Variants in INPP5A observed in about 807,000 individuals in gnomAD.
INPP5A encodes inositol polyphosphate-5-phosphatase A.
Under a neutral mutation model 65.2 loss-of-function variants are expected in INPP5A, and 14 were observed. The ratio of observed to expected loss-of-function variants is 0.21; its 90% confidence interval spans 0.14 to 0.34. The LOEUF is 0.34. Among genes scored for constraint, INPP5A ranks in the 10% least tolerant of loss-of-function variants. The pLI, the probability that INPP5A is intolerant of heterozygous loss-of-function variation, is 1.00. For synonymous variants in INPP5A, 207 were observed against 208.3 expected, an observed-to-expected ratio of 0.99 and a Z score of 0.05; for missense variants, 431 against 545.6, an observed-to-expected ratio of 0.79 and a Z score of 2.09.
Position 132,538,006 on chromosome 10 carries a change from C to T in INPP5A, c.-91C>T. On this transcript the variant is annotated 5_prime_UTR_variant, in exon 1 of 16. Coordinates refer to ENST00000368594, the MANE Select transcript of INPP5A (RefSeq NM_005539.5). This position sits in a 1 kb window ranked among gnomAD's most constrained non-coding sequence, Gnocchi z 4.1. ...CCGCCCCCCGGCGCAGCTGACGCCC[C>T]GCGGCCCCGCGAAGACCCCGGCCGG... 1.8e-6 allele frequency: 1 copy of T among 546,178 alleles called. No individual in the cohort carries two copies. 33.8% of individuals were successfully genotyped at this position (546,178 alleles called of 1,614,324 possible). A position where few individuals can be genotyped will look rare whatever the true frequency, so the allele number is the denominator to read the frequency against.
At chr10:132,632,781 C>T (rs2072292370) in intron 2 of INPP5A, among the ~76,000 whole-genome samples, 1 of 152,238 alleles carries the variant, frequency 6.6e-6, no homozygotes, top group South Asian at 2.1e-4. Context: ...AATTATTGTA[C>T]TGTTACGTAT....
chr10:132,604,375 C>G (rs2071817243), intron 1 of INPP5A, among the ~76,000 whole-genome samples: 1 of 152,140 alleles, frequency 6.6e-6, no homozygotes, highest in Non-Finnish European at 1.5e-5. Flanking sequence ...GTCAGGGTCC[C>G]CTCTCTGACG....
rs1845364031 is a variant in INPP5A at position 132,697,530 on chromosome 10, G to A, written c.371-286G>A. ...CTTAAATATATTCACGGGTTTAAAA[G>A]AGGATGCCAATTAGCTCCTGTAAAT... On this transcript the variant is annotated intron_variant, in intron 5 of 15. Coordinates refer to ENST00000368594, the MANE Select transcript of INPP5A (RefSeq NM_005539.5). This position sits in a 1 kb window ranked among gnomAD's most constrained non-coding sequence, Gnocchi z 5.6. Among the ~76,000 whole-genome samples, 1 of 152,234 alleles carries A rather than the reference G, an allele frequency of 6.6e-6. No homozygotes were observed. Among genetic ancestry groups the A allele is most frequent in the Admixed American group, 6.5e-5 (1 of 15,288 alleles).
intron 1 of INPP5A, among the ~76,000 whole-genome samples, chr10:132,578,740 C>T (rs778552760): frequency 1.4e-5 from 2 of 143,326 alleles, no homozygotes; most frequent in Non-Finnish European, 3.0e-5. Flanking sequence ...GTCCAGGCTC[C>T]AGGACACCAG....
rs1440074464 is a variant in INPP5A at position 132,727,293 on chromosome 10, A to C, written c.732+388A>C. 5.8e-6 allele frequency: 1 copy of C among 171,750 alleles called. No homozygotes were observed. Among genetic ancestry groups the C allele is most frequent in the Non-Finnish European group, 1.2e-5 (1 of 81,062 alleles). The allele number at this position is 171,750 out of a possible 1,614,324, so 10.6% of individuals were successfully genotyped here. A position where few individuals can be genotyped will look rare whatever the true frequency, so the allele number is the denominator to read the frequency against. On this transcript the variant is annotated intron_variant, in intron 9 of 15. Coordinates refer to ENST00000368594, the MANE Select transcript of INPP5A (RefSeq NM_005539.5). The surrounding 1 kb of genome is among the most constrained non-coding windows in gnomAD (Gnocchi z 6.5). The stretch of plus-strand genomic sequence containing the variant: ...AACTTGATCTCAGCGATTTTTTGTC[A>C]TAACACGTAGAAACTGTCAGAGCCC...
At chr10:132,615,683 C>T (rs1202045154) in intron 2 of INPP5A, among the ~76,000 whole-genome samples, 2 of 152,174 alleles carry the variant, frequency 1.3e-5, no homozygotes, top group East Asian at 1.9e-4. Context: ...AGGAACTGGC[C>T]CTGCTGGAGA....
At chr10:132,720,722 T>A (rs1389822034) in intron 8 of INPP5A, among the ~76,000 whole-genome samples, 2 of 149,020 alleles carry the variant, frequency 1.3e-5, no homozygotes, top group Non-Finnish European at 3.0e-5. Flanking sequence ...CAGGGTTCTG[T>A]GGTGCCTGAG....
At chr10:132,778,995 C>T (rs566429743) in intron 13 of INPP5A, among the ~76,000 whole-genome samples, 20 of 152,238 alleles carry the variant, frequency 1.3e-4, no homozygotes, top group Non-Finnish European at 2.8e-4. Flanking sequence ...TCCTGGAGCA[C>T]CCTGGGTGCA....
intron 11 of INPP5A, among the ~76,000 whole-genome samples, chr10:132,752,043 G>T (rs543859388): frequency 2.2e-3 from 328 of 147,326 alleles, no homozygotes; most frequent in African/African-American, 7.8e-3. Flanking sequence ...AAGCGTCTGC[G>T]TGAAGGGGGG....
intron 2 of INPP5A, among the ~76,000 whole-genome samples, chr10:132,610,808 A>G (rs1420144184): frequency 6.6e-6 from 1 of 152,216 alleles, no homozygotes; most frequent in African/African-American, 2.4e-5. Flanking sequence ...TCACTAACTG[A>G]AGAAGCTCTT....
chr10:132,602,471 T>C (rs764137517), intron 1 of INPP5A, among the ~76,000 whole-genome samples: 3 of 152,072 alleles, frequency 2.0e-5, no homozygotes, highest in Non-Finnish European at 4.4e-5. Flanking sequence ...TTTTTTGTAT[T>C]TTTAGTAGAG....
intron 11 of INPP5A, among the ~76,000 whole-genome samples, chr10:132,764,956 ACGGT>A (rs1221109097): frequency 1.5e-5 from 2 of 132,590 alleles, no homozygotes; most frequent in Admixed American, 7.7e-5. Context: ...ACTCAGGAAC[ACGGT>A]CGGGTCAGTC....
chr10:132,681,086 G>A (rs1258937367), intron 4 of INPP5A, among the ~76,000 whole-genome samples: 4 of 152,236 alleles, frequency 2.6e-5, no homozygotes, highest in African/African-American at 7.2e-5. Context: ...GCCCCAGTGC[G>A]GGATCCACCG....
chr10:132,664,352 T>C (rs1218832855), intron 4 of INPP5A, among the ~76,000 whole-genome samples: 1 of 152,242 alleles, frequency 6.6e-6, no homozygotes, highest in African/African-American at 2.4e-5. Flanking sequence ...TGGCTTCAGA[T>C]GCTGTGAGCC....
At chr10:132,602,883 C>CT (rs1251362869) in intron 1 of INPP5A, among the ~76,000 whole-genome samples, 2 of 152,156 alleles carry the variant, frequency 1.3e-5, no homozygotes, top group Non-Finnish European at 2.9e-5. Context: ...GAGGTCCTTT[C>CT]TTTCCTTTTG....
chr10:132,739,660 C>G (rs985333367), intron 9 of INPP5A, among the ~76,000 whole-genome samples: 5 of 152,252 alleles, frequency 3.3e-5, no homozygotes, highest in African/African-American at 1.2e-4. Context: ...GTGAGTCGCA[C>G]TCTCGCTTCC....
chr10:132,721,846 G>T (rs772499082), intron 8 of INPP5A, among the ~76,000 whole-genome samples: 7 of 152,148 alleles, frequency 4.6e-5, no homozygotes, highest in Non-Finnish European at 1.0e-4. Flanking sequence ...TGTCTTGCCT[G>T]CGTCTGTGGT....
chr10:132,672,098 T>TTTG lies in INPP5A; in HGVS notation c.307-18291_307-18289dup, dbSNP rs376628846. On this transcript the variant is annotated intron_variant, in intron 4 of 15. Coordinates refer to ENST00000368594, the MANE Select transcript of INPP5A (RefSeq NM_005539.5). ...CAAGGATGTAGGGAGAGAACTACGT[T>TTTG]TTGTTAAGTGGCTCTTATTGAGCAT... Among the ~76,000 whole-genome samples, 292 of 152,346 alleles carry TTTG rather than the reference T, an allele frequency of 1.9e-3. 3 individuals carry two copies. The highest frequency in any genetic ancestry group is 5.8e-3 in the African/African-American group (241 of 41,576).
intron 12 of INPP5A, among the ~76,000 whole-genome samples, chr10:132,770,081 G>A (rs1333539499): frequency 3.9e-5 from 6 of 152,304 alleles, no homozygotes; most frequent in African/African-American, 1.2e-4. Flanking sequence ...CAGGGCTGGC[G>A]AGGGCGGCGC....
Sources: gnomAD v4.1 joint callset for allele counts (sites outside exome capture counted in the v4.1 genomes callset) on GRCh38, gnomAD v4.1.1 for gene constraint, Gnocchi (gnomAD v3.1) non-coding constraint, MANE v1.5 for transcripts, NCBI Gene and HGNC (gene_info 2026-07-23, HGNC 2026-07-21) for gene names.